SLC48A1: variants seen among roughly 807,000 people sequenced by gnomAD.
The protein encoded by SLC48A1 is solute carrier family 48 member 1.
SLC48A1 carries 6 observed loss-of-function variants against 14.8 expected under a neutral mutation model. The observed-to-expected ratio is 0.41, with a 90% CI of 0.22 to 0.80. SLC48A1 has a LOEUF of 0.80. Among genes scored for constraint, SLC48A1 ranks in the 30% least tolerant of loss-of-function variants. SLC48A1 has a pLI of 0.34. For synonymous variants in SLC48A1, 89 were observed against 90.0 expected, an observed-to-expected ratio of 0.99 and a Z score of 0.06; for missense variants, 165 against 204.8, an observed-to-expected ratio of 0.81 and a Z score of 1.19.
At chr12:47,779,555 G>A (rs1331474016) in intron 2 of SLC48A1, among the ~76,000 whole-genome samples, 1 of 152,190 alleles carries the variant, frequency 6.6e-6, no homozygotes, top group Non-Finnish European at 1.5e-5. Context: ...GCAGGTTGGA[G>A]GTGGCCTAGG....
At position 47,763,603 on chromosome 12, in the gene SLC48A1, C is replaced by G. The variant is rs190789893; in HGVS notation, c.-187+3202C>G. On this transcript the variant is annotated intron_variant, in intron 2 of 4. Coordinates refer to the SLC48A1 transcript ENST00000547002. ...CCCGCTCCATCCCCCAAGGGCAGTTCCAGTTCAGCTCCTCCATCTCCTCCC... is the reference window on the plus strand; with the variant it reads ...CCCGCTCCATCCCCCAAGGGCAGTTGCAGTTCAGCTCCTCCATCTCCTCCC... Among the ~76,000 whole-genome samples the G allele has an allele frequency of 7.6e-4, 116 of 152,290 alleles. 1 individual carries two copies. Among genetic ancestry groups the G allele is most frequent in the African/African-American group, 2.6e-3 (106 of 41,556 alleles).
In SLC48A1 at chr12:47,782,643, ACT is replaced by A. The variant is rs1187910728; in HGVS notation, c.*2363_*2364del. 2.0e-5 allele frequency: 3 copies of A among 152,270 alleles called. No homozygotes were observed. Among genetic ancestry groups the A allele is most frequent in the Non-Finnish European group, 4.4e-5 (3 of 68,072 alleles). The allele number at this position is 152,270 out of a possible 1,614,324, so 9.4% of individuals were successfully genotyped here. Reference sequence around the variant, plus strand: ...TCCTCCGGCAGTGACTCAGACCCACACTGTGCCGTGCAGCTGTGTGCCCTGCA... The same window carrying A: ...TCCTCCGGCAGTGACTCAGACCCACAGTGCCGTGCAGCTGTGTGCCCTGCA... On this transcript the variant is annotated 3_prime_UTR_variant, in exon 3 of 3. Coordinates refer to ENST00000442218, the MANE Select transcript of SLC48A1 (RefSeq NM_017842.3).
At chr12:47,759,142 A>G in intron 1 of SLC48A1, 23 of 979,422 alleles carry the variant, frequency 2.3e-5, no homozygotes, top group African/African-American at 3.5e-5. Flanking sequence ...GGTGTCAGGG[A>G]TCCGGCGGTG....
chr12:47,773,178 G>C (rs1012029105), upstream of SLC48A1: 1 of 988,592 alleles, frequency 1.0e-6, no homozygotes, highest in Non-Finnish European at 1.2e-6. Context: ...CGCTGGGGGC[G>C]GGCCGGGGGC....
intron 2 of SLC48A1, among the ~76,000 whole-genome samples, chr12:47,762,188 A>C (rs1156308269): frequency 6.6e-6 from 1 of 152,156 alleles, no homozygotes; most frequent in Non-Finnish European, 1.5e-5. Flanking sequence ...CCCTTCAAGC[A>C]GGTGGCAGCG....
chr12:47,757,771 C>G, upstream of SLC48A1: 1 of 1,243,234 alleles, frequency 8.0e-7, no homozygotes, highest in South Asian at 1.4e-5. Flanking sequence ...ACCCCCAGAG[C>G]AAGCTGGGCC....
upstream of SLC48A1, among the ~76,000 whole-genome samples, chr12:47,772,494 G>A (rs1023740893): frequency 1.3e-5 from 2 of 152,114 alleles, no homozygotes; most frequent in Non-Finnish European, 2.9e-5. Context: ...AATATAGCGA[G>A]ACCCTATCTC....
chr12:47,781,908 CCT>C lies in SLC48A1; in HGVS notation c.*1634_*1635del, dbSNP rs1420198435. 1 of 152,746 alleles carries C rather than the reference CCT, an allele frequency of 6.5e-6. No individual in the cohort carries two copies. Among genetic ancestry groups the C allele is most frequent in the African/African-American group, 2.4e-5 (1 of 41,478 alleles). 9.5% of individuals were successfully genotyped at this position (152,746 alleles called of 1,614,324 possible). A position where few individuals can be genotyped will look rare whatever the true frequency, so the allele number is the denominator to read the frequency against. On this transcript the variant is annotated 3_prime_UTR_variant, in exon 3 of 3. Transcript: ENST00000442218. ...AGCTCAGCTCTCCTCCTCCAGCTTT[CCT>C]CTCTCTAGCACACCCCAGCCAGGGC...
chr12:47,771,775 A>T (rs111650754), upstream of SLC48A1, among the ~76,000 whole-genome samples: 1 of 152,016 alleles, frequency 6.6e-6, no homozygotes, highest in Non-Finnish European at 1.5e-5. Context: ...TTTACTAAAA[A>T]TACAAAAATT....
chr12:47,754,741 C>CA (rs982494338), upstream of SLC48A1, among the ~76,000 whole-genome samples: 6 of 151,992 alleles, frequency 3.9e-5, no homozygotes, highest in Admixed American at 6.6e-5. Context: ...GGACACAGTG[C>CA]AAAAAAATAC....
chr12:47,762,196 G>A (rs1412649319), intron 2 of SLC48A1, among the ~76,000 whole-genome samples: 1 of 152,160 alleles, frequency 6.6e-6, no homozygotes, highest in East Asian at 1.9e-4. Context: ...GCAGGTGGCA[G>A]CGGCTCCCAT....
chr12:47,780,506 G>A lies in SLC48A1; in HGVS notation c.*225G>A. On this transcript the variant is annotated 3_prime_UTR_variant, in exon 3 of 3. Transcript: ENST00000442218. Reference sequence around the variant, plus strand: ...CTGCCATGTTGCTCCTCATCAGCCTGGCCAGAGGGCAGCTTTAGACCTTTT... The same window carrying A: ...CTGCCATGTTGCTCCTCATCAGCCTAGCCAGAGGGCAGCTTTAGACCTTTT... 3.8e-6 allele frequency: 3 copies of A among 780,734 alleles called. No homozygotes were observed. The highest frequency in any genetic ancestry group is 2.5e-5 in the East Asian group (1 of 40,694). The allele number at this position is 780,734 out of a possible 1,614,324, so 48.4% of individuals were successfully genotyped here. A position where few individuals can be genotyped will look rare whatever the true frequency, so the allele number is the denominator to read the frequency against.
chr12:47,774,544 C>G (rs1942698972), intron 1 of SLC48A1, among the ~76,000 whole-genome samples: 1 of 152,204 alleles, frequency 6.6e-6, no homozygotes. Flanking sequence ...TATTCCATTA[C>G]TAAAATCCTC....
intron 1 of SLC48A1, among the ~76,000 whole-genome samples, chr12:47,778,092 G>T (rs1200463370): frequency 2.6e-5 from 4 of 152,208 alleles, no homozygotes; most frequent in Non-Finnish European, 5.9e-5. Context: ...CCACCGCCCT[G>T]CCCGGACCCT....
chr12:47,754,208 T>C (rs1941920479), upstream of SLC48A1, among the ~76,000 whole-genome samples: 1 of 152,274 alleles, frequency 6.6e-6, no homozygotes. Context: ...CTTAGCATTA[T>C]GCCCTACCGT....
At chr12:47,755,257 C>T (rs1448214903), upstream of SLC48A1, among the ~76,000 whole-genome samples, 1 of 152,160 alleles carries the variant, frequency 6.6e-6, no homozygotes, top group Non-Finnish European at 1.5e-5. Context: ...TTTGTTTTCA[C>T]ATCTATAAAA....
chr12:47,772,674 T>TA (rs1942651698), upstream of SLC48A1, among the ~76,000 whole-genome samples: 1 of 145,268 alleles, frequency 6.9e-6, no homozygotes, highest in Non-Finnish European at 1.5e-5. Context: ...GAGACTCTGT[T>TA]TAAAAAAAAA....
At chr12:47,775,236 C>T (rs1466663290) in intron 1 of SLC48A1, among the ~76,000 whole-genome samples, 1 of 152,200 alleles carries the variant, frequency 6.6e-6, no homozygotes, top group African/African-American at 2.4e-5. Flanking sequence ...AAAAGGCCTT[C>T]TTTCTTATAC....
chr12:47,761,779 T>A (rs1942386296), intron 2 of SLC48A1, among the ~76,000 whole-genome samples: 2 of 152,230 alleles, frequency 1.3e-5, no homozygotes, highest in South Asian at 4.1e-4. Context: ...ATAGTCAACA[T>A]GCACCAGGCC....
Sources: gnomAD v4.1 joint callset for allele counts (sites outside exome capture counted in the v4.1 genomes callset) on GRCh38, gnomAD v4.1.1 for gene constraint, MANE v1.5 for transcripts, NCBI Gene and HGNC (gene_info 2026-07-23, HGNC 2026-07-21) for gene names.